The following SPRYD3 variants were observed in gnomAD, a reference collection of about 807,000 sequenced individuals.
SPRYD3 encodes SPRY domain-containing protein 3.
SPRYD3 carries 17 observed loss-of-function variants against 50.1 expected under a neutral mutation model. The observed-to-expected ratio is 0.34, with a 90% CI of 0.23 to 0.51. SPRYD3 has a LOEUF of 0.51. SPRYD3 is among the 20% of genes least tolerant of loss of function. The pLI, the probability that SPRYD3 is intolerant of heterozygous loss-of-function variation, is 0.97. For missense variants in SPRYD3, 401 were observed against 591.2 expected (o/e 0.68, Z 3.34); for synonymous variants, 198 against 215.5 (o/e 0.92, Z 0.71).
intron 6 of SPRYD3, among the ~76,000 whole-genome samples, chr12:53,070,704 T>C (rs2121201299): frequency 6.6e-6 from 1 of 152,146 alleles, no homozygotes; most frequent in Admixed American, 6.5e-5. Flanking sequence ...GTAAATGGGG[T>C]TACGTTGGAA....
intron 6 of SPRYD3, among the ~76,000 whole-genome samples, chr12:53,069,651 G>A (rs937403531): frequency 6.6e-6 from 1 of 152,222 alleles, no homozygotes; most frequent in Non-Finnish European, 1.5e-5. Flanking sequence ...GGGGAAAGCA[G>A]CATGCACGGG....
chr12:53,073,256 G>GGCCCCGGGGGGGGGGC, intron 6 of SPRYD3, 30 bp downstream of exon 6: 4 of 424,130 alleles, frequency 9.4e-6, no homozygotes, highest in Non-Finnish European at 1.8e-5. Context: ...CTCCGACCCA[G>GGCCCCGGGGGGGGGGC]CCCCTCCCAC....
At chr12:53,068,331 C>A in intron 6 of SPRYD3, 27 bp from the exon 7 acceptor site, 1 of 1,611,946 alleles carries the variant, frequency 6.2e-7, no homozygotes, top group South Asian at 1.1e-5. Context: ...AGATGGGGGT[C>A]AGGGGACAGG....
Position 53,073,446 on chromosome 12 carries a change from G to A in SPRYD3, c.533C>T (p.Ser178Phe). The part of the protein sequence containing the change: ...KRVGSTIMPM[S>F]PDGLFPAVGM... ...CACTGCTGGGAACAGTCCATCTGGG[G>A]ACATGGGCATGATGGTAGAGCCCAC... The change falls in exon 6 of 11, where the codon TCC (serine) becomes TTC (phenylalanine). Residue 178 changes from serine (S) to phenylalanine (F), a missense_variant. Transcript: ENST00000301463. 2 of 1,561,048 alleles carry A rather than the reference G, an allele frequency of 1.3e-6. No individual in the cohort carries two copies. Among genetic ancestry groups the A allele is most frequent in the Admixed American group, 1.9e-5 (1 of 51,986 alleles).
chr12:53,069,374 A>C (rs1422341529), intron 6 of SPRYD3, among the ~76,000 whole-genome samples: 2 of 151,964 alleles, frequency 1.3e-5, no homozygotes, highest in Non-Finnish European at 2.9e-5. Context: ...CTCACCTCTC[A>C]CAGATTCCTG....
chr12:53,074,691 A>G lies in SPRYD3; in HGVS notation c.465T>C (p.Asp155=), dbSNP rs938825876. ...TGAAGAAGATCTGGGCGGTCTGCAC[A>G]TCAAAGGACACAGGCTCAATGCCAC... ...IGCGIEPVSF[D]VQTAQIFFTK... The change falls in exon 5 of 11, where the codon GAT becomes GAC. Residue 155 remains aspartate (D), a synonymous_variant. Coordinates refer to ENST00000301463, the MANE Select transcript of SPRYD3 (RefSeq NM_032840.3). This position sits in a 1 kb window ranked among gnomAD's most constrained non-coding sequence, Gnocchi z 4.6. 2.2e-5 allele frequency: 36 copies of G among 1,614,164 alleles called. No individual in the cohort carries two copies. Among genetic ancestry groups the G allele is most frequent in the Non-Finnish European group, 2.8e-5 (33 of 1,180,064 alleles).
intron 6 of SPRYD3, 27 bp downstream of exon 6, chr12:53,073,259 C>CCCGGGGGGGGGGGGGGGGGGGGGGGGGG: frequency 2.5e-6 from 1 of 400,932 alleles, no homozygotes; most frequent in East Asian, 3.8e-5. Flanking sequence ...CGACCCAGCC[C>CCCGGGGGGGGGGGGGGGGGGGGGGGGGG]CTCCCACCCT....
intron 6 of SPRYD3, among the ~76,000 whole-genome samples, chr12:53,072,492 G>C (rs1056856814): frequency 6.6e-6 from 1 of 152,234 alleles, no homozygotes; most frequent in African/African-American, 2.4e-5. Context: ...GGGACAATTC[G>C]AAGTGGGAGG....
In SPRYD3 at chr12:53,065,487, G is replaced by A. The variant is rs941627474; in HGVS notation, c.*345C>T. The A allele has an allele frequency of 3.5e-5, 9 of 255,244 alleles. No individual in the cohort carries two copies. Among genetic ancestry groups the A allele is most frequent in the African/African-American group, 2.0e-4 (9 of 45,874 alleles). 15.8% of individuals were successfully genotyped at this position (255,244 alleles called of 1,614,324 possible). ...AAAGCATCATGCCCGAATAGCAGCT[G>A]AGATAGGGTGCTCACGCCTCTCCAC... is the stretch of plus-strand genomic sequence containing the variant. On this transcript the variant is annotated 3_prime_UTR_variant, in exon 11 of 11. Transcript: ENST00000301463.
chr12:53,067,282 G>A (rs1944516730), intron 8 of SPRYD3, among the ~76,000 whole-genome samples: 1 of 152,070 alleles, frequency 6.6e-6, no homozygotes, highest in Admixed American at 6.5e-5. Flanking sequence ...GGCAGGCAGG[G>A]GGAGGTGGGT....
Position 53,073,278 on chromosome 12 carries a change from C to CCCCTT in SPRYD3, c.693+7_693+8insAAGGG. On this transcript the variant is annotated splice_region_variant and intron_variant, in intron 6 of 10. Transcript: ENST00000301463. ...CCAGCCCCTCCCACCCTCCCACCCG[C>CCCCTT]TACTTACAGTCCCACAGACTCTGAC... The CCCCTT allele has an allele frequency of 1.0e-6, 1 of 962,694 alleles. No individual in the cohort carries two copies. The highest frequency in any genetic ancestry group is 1.5e-6 in the Non-Finnish European group (1 of 674,036). 59.6% of individuals were successfully genotyped at this position (962,694 alleles called of 1,614,324 possible).
intron 1 of SPRYD3, 145 bp from the exon 2 acceptor site, chr12:53,077,406 T>C: frequency 1.3e-6 from 1 of 787,304 alleles, no homozygotes; most frequent in Non-Finnish European, 2.0e-6. Flanking sequence ...CTTTCTTCCA[T>C]TCAACAAACA....
rs893946373 is a variant in SPRYD3 at position 53,074,468 on chromosome 12, G to A, written c.507+181C>T. On this transcript the variant is annotated intron_variant, in intron 5 of 10. Transcript: ENST00000301463. The surrounding 1 kb of genome is among the most constrained non-coding windows in gnomAD (Gnocchi z 4.6). ...CAATGTCCCAGCTTCCTCTGGCCAT[G>A]GGAAGTATCTTCTCCTACACGCAAG... 2.0e-5 allele frequency among the ~76,000 whole-genome samples: 3 copies of A among 152,206 alleles called. No homozygotes were observed. The highest frequency in any genetic ancestry group is 7.2e-5 in the African/African-American group (3 of 41,448).
intron 6 of SPRYD3, among the ~76,000 whole-genome samples, chr12:53,068,531 T>C (rs1248148592): frequency 1.3e-5 from 2 of 152,188 alleles, no homozygotes; most frequent in African/African-American, 2.4e-5. Context: ...ATGCCCACGC[T>C]GTCTTCCCCC....
intron 2 of SPRYD3, 91 bp downstream of exon 2, chr12:53,077,024 T>C: frequency 7.5e-7 from 1 of 1,330,318 alleles, no homozygotes; most frequent in Admixed American, 2.0e-5. Flanking sequence ...AGTCCCCTTC[T>C]CTGAAAAAAT....
intron 6 of SPRYD3, 27 bp downstream of exon 6, chr12:53,073,259 C>CGGGGGGGGGGG: frequency 2.5e-6 from 1 of 400,932 alleles, no homozygotes. Context: ...CGACCCAGCC[C>CGGGGGGGGGGG]CTCCCACCCT....
chr12:53,074,514 G>T lies in SPRYD3; in HGVS notation c.507+135C>A. ...GCAAGAGACTTCAGGAGAATCTGAG[G>T]CTGGACTGGAGGAGATGGGAACTCA... On this transcript the variant is annotated intron_variant, in intron 5 of 10. Coordinates refer to ENST00000301463, the MANE Select transcript of SPRYD3 (RefSeq NM_032840.3). The surrounding 1 kb of genome is among the most constrained non-coding windows in gnomAD (Gnocchi z 4.6). The T allele has an allele frequency of 1.9e-6, 2 of 1,053,714 alleles. No individual in the cohort carries two copies. Among genetic ancestry groups the T allele is most frequent in the Non-Finnish European group, 2.9e-6 (2 of 699,488 alleles). 65.3% of individuals were successfully genotyped at this position (1,053,714 alleles called of 1,614,324 possible).
Position 53,073,322 on chromosome 12 carries a change from T to C in SPRYD3, c.657A>G (p.Glu219=). Reference sequence around the variant, plus strand: ...CTCTGACATCATGTAGCCGGCCCCATTCATCCTCGTAACTGTCCACCATCA... The same window carrying C: ...CTCTGACATCATGTAGCCGGCCCCACTCATCCTCGTAACTGTCCACCATCA... ...SVMMVDSYED[E]WGRLHDVRVC... The change falls in exon 6 of 11, where the codon GAA becomes GAG. Residue 219 remains glutamate (E), a synonymous_variant. Coordinates refer to ENST00000301463, the MANE Select transcript of SPRYD3 (RefSeq NM_032840.3). The C allele has an allele frequency of 7.5e-7, 1 of 1,336,742 alleles. No individual in the cohort carries two copies. Among genetic ancestry groups the C allele is most frequent in the Non-Finnish European group, 9.8e-7 (1 of 1,019,642 alleles). The allele number at this position is 1,336,742 out of a possible 1,614,324, so 82.8% of individuals were successfully genotyped here.
At position 53,074,919 on chromosome 12, in the gene SPRYD3, G is replaced by A; in HGVS notation, c.372-135C>T. On this transcript the variant is annotated intron_variant, in intron 4 of 10. Coordinates refer to ENST00000301463, the MANE Select transcript of SPRYD3 (RefSeq NM_032840.3). The surrounding 1 kb of genome is among the most constrained non-coding windows in gnomAD (Gnocchi z 4.6). The stretch of plus-strand genomic sequence containing the variant: ...ATGGTACCCACTTACGTCCTGGCGT[G>A]AGCATCACCCTCCTCTAGTCTGTAA... 18 of 1,354,412 alleles carry A rather than the reference G, an allele frequency of 1.3e-5. No individual in the cohort carries two copies. Among genetic ancestry groups the A allele is most frequent in the Non-Finnish European group, 1.9e-5 (18 of 964,392 alleles). 83.9% of individuals were successfully genotyped at this position (1,354,412 alleles called of 1,614,324 possible). A position where few individuals can be genotyped will look rare whatever the true frequency, so the allele number is the denominator to read the frequency against.
Sources: gnomAD v4.1 joint callset for allele counts (sites outside exome capture counted in the v4.1 genomes callset) on GRCh38, gnomAD v4.1.1 for gene constraint, Gnocchi (gnomAD v3.1) non-coding constraint, MANE v1.5 for transcripts, NCBI Gene and HGNC (gene_info 2026-07-23, HGNC 2026-07-21) for gene names.